The following UBE3D variants were observed in gnomAD, a reference collection of about 807,000 sequenced individuals.
The protein encoded by UBE3D is ubiquitin protein ligase E3D.
A neutral mutation model predicts 49.6 loss-of-function variants in UBE3D; 48 were observed. The ratio of observed to expected loss-of-function variants is 0.97; its 90% CI spans 0.77 to 1.23. The LOEUF is 1.23. Among genes scored for constraint, UBE3D ranks in the 50% most tolerant of loss-of-function variants. The pLI is 0.00. For missense variants in UBE3D, 452 were observed against 468.4 expected (o/e 0.96, Z 0.32); for synonymous variants, 189 against 174.2 (o/e 1.08, Z -0.67).
At chr6:82,915,077 G>A (rs1425672723) in intron 9 of UBE3D, among the ~76,000 whole-genome samples, 1 of 152,054 alleles carries the variant, frequency 6.6e-6, no homozygotes, top group Non-Finnish European at 1.5e-5. Context: ...ATAAAGAGTT[G>A]AGGGCATATT....
chr6:82,905,477 C>T (rs982975374), intron 9 of UBE3D, among the ~76,000 whole-genome samples: 3 of 152,092 alleles, frequency 2.0e-5, no homozygotes, highest in Admixed American at 6.6e-5. Flanking sequence ...AATGACCAGC[C>T]GTTACCCTGT....
At chr6:82,958,220 TCTAGTG>T (rs1776306191) in intron 8 of UBE3D, among the ~76,000 whole-genome samples, 1 of 152,118 alleles carries the variant, frequency 6.6e-6, no homozygotes, top group Non-Finnish European at 1.5e-5. Flanking sequence ...TGGCTCCTCA[TCTAGTG>T]CTTAAAGGGA....
At chr6:82,896,606 C>T (rs753184817) in intron 9 of UBE3D, among the ~76,000 whole-genome samples, 17 of 152,068 alleles carry the variant, frequency 1.1e-4, no homozygotes, top group Non-Finnish European at 1.8e-4. Flanking sequence ...GTATCATTGA[C>T]CAAATGTAAG....
chr6:82,906,361 A>AC (rs1554182417), intron 9 of UBE3D, among the ~76,000 whole-genome samples: 1 of 152,136 alleles, frequency 6.6e-6, no homozygotes, highest in African/African-American at 2.4e-5. Flanking sequence ...TTATGAATTC[A>AC]TGGATTTGAA....
intron 5 of UBE3D, among the ~76,000 whole-genome samples, chr6:83,034,578 A>G (rs1326800085): frequency 6.6e-6 from 1 of 152,016 alleles, no homozygotes; most frequent in East Asian, 1.9e-4. Context: ...GGTGGTCTCT[A>G]ATGGTTTAGC....
Position 82,901,367 on chromosome 6 carries a change from T to C in UBE3D, c.1150-8325A>G, listed in dbSNP as rs972095176. Among the ~76,000 whole-genome samples the C allele has an allele frequency of 7.9e-5, 12 of 152,160 alleles. No homozygotes were observed. In the East Asian group the frequency reaches 2.1e-3, roughly 27 times the overall value. ...AGTCCCAGGAAACACTTTCAAATAG[T>C]CCAGCCCAGTGCTTCTCAGGTGCTG... is the stretch of plus-strand genomic sequence containing the variant. On this transcript the variant is annotated intron_variant, in intron 9 of 9. Coordinates refer to ENST00000369747, the MANE Select transcript of UBE3D (RefSeq NM_198920.3).
chr6:83,012,501 G>A (rs1780411446), intron 8 of UBE3D, among the ~76,000 whole-genome samples: 1 of 152,184 alleles, frequency 6.6e-6, no homozygotes, highest in Non-Finnish European at 1.5e-5. Flanking sequence ...TTTCTTCATG[G>A]ACCTATTGGG....
At chr6:82,932,104 C>T (rs1008678704) in intron 9 of UBE3D, among the ~76,000 whole-genome samples, 20 of 152,126 alleles carry the variant, frequency 1.3e-4, no homozygotes, top group African/African-American at 2.2e-4. Flanking sequence ...TCCCCTTCCA[C>T]GATGATTGTA....
At chr6:82,967,666 G>A (rs1777048977) in intron 8 of UBE3D, among the ~76,000 whole-genome samples, 1 of 151,784 alleles carries the variant, frequency 6.6e-6, no homozygotes, top group African/African-American at 2.4e-5. Flanking sequence ...AAAAGAGATG[G>A]GGTCCTGCTC....
At chr6:82,903,540 G>C (rs7744090) in intron 9 of UBE3D, among the ~76,000 whole-genome samples, 1 of 151,888 alleles carries the variant, frequency 6.6e-6, no homozygotes, top group Non-Finnish European at 1.5e-5. Context: ...CAGTAAAAAC[G>C]ATTATGACTT....
At chr6:82,888,536 G>A (rs1419763304), downstream of UBE3D, among the ~76,000 whole-genome samples, 1 of 152,088 alleles carries the variant, frequency 6.6e-6, no homozygotes, top group Admixed American at 6.6e-5. Context: ...TAAAGAAAAT[G>A]TAGTCATCTG....
intron 9 of UBE3D, among the ~76,000 whole-genome samples, chr6:82,903,523 A>G (rs1230752421): frequency 6.6e-6 from 1 of 152,162 alleles, no homozygotes; most frequent in Non-Finnish European, 1.5e-5. Context: ...GCATAGTTGA[A>G]TCAGTTCAGT....
intron 6 of UBE3D, among the ~76,000 whole-genome samples, chr6:83,022,816 CACCCCT>C (rs1781199874): frequency 1.3e-5 from 2 of 151,810 alleles, no homozygotes; most frequent in African/African-American, 4.8e-5. Context: ...CCTAACTATT[CACCCCT>C]ACTGAATAAA....
At chr6:82,906,462 G>C (rs982337023) in intron 9 of UBE3D, among the ~76,000 whole-genome samples, 6 of 152,170 alleles carry the variant, frequency 3.9e-5, no homozygotes, top group Admixed American at 2.0e-4. Flanking sequence ...TCAACTTAGA[G>C]CCTAAGTCCT....
intron 3 of UBE3D, among the ~76,000 whole-genome samples, chr6:83,051,358 C>T (rs933421780): frequency 6.6e-6 from 1 of 152,110 alleles, no homozygotes; most frequent in African/African-American, 2.4e-5. Flanking sequence ...AGTTCCATGA[C>T]TGTAAAAGGG....
At chr6:82,981,386 T>C (rs1462403808) in intron 8 of UBE3D, among the ~76,000 whole-genome samples, 1 of 152,088 alleles carries the variant, frequency 6.6e-6, no homozygotes, top group Non-Finnish European at 1.5e-5. Context: ...ATATAATTTA[T>C]GAATGGGAGC....
downstream of UBE3D, among the ~76,000 whole-genome samples, chr6:82,891,300 G>A (rs1483431916): frequency 1.3e-5 from 2 of 152,200 alleles, no homozygotes; most frequent in Non-Finnish European, 2.9e-5. Context: ...CTAGTGGGTA[G>A]AGGTCAGGGA....
chr6:82,966,947 A>C (rs955134738), intron 8 of UBE3D, among the ~76,000 whole-genome samples: 2 of 152,234 alleles, frequency 1.3e-5, no homozygotes, highest in Admixed American at 1.3e-4. Context: ...TGCAAACAAA[A>C]TGTGAGACAA....
chr6:83,015,520 T>C (rs928163849), intron 8 of UBE3D, among the ~76,000 whole-genome samples: 2 of 152,236 alleles, frequency 1.3e-5, no homozygotes, highest in African/African-American at 2.4e-5. Context: ...TCCAACTCTA[T>C]GTTCCTTCCA....
Sources: gnomAD v4.1 joint callset for allele counts (sites outside exome capture counted in the v4.1 genomes callset) on GRCh38, gnomAD v4.1.1 for gene constraint, MANE v1.5 for transcripts, NCBI Gene and HGNC (gene_info 2026-07-23, HGNC 2026-07-21) for gene names.